The following KCNH5 variants were observed in gnomAD, a reference collection of about 807,000 sequenced individuals.
KCNH5 encodes potassium voltage-gated channel subfamily H member 5.
KCNH5 carries 46 observed loss-of-function variants against 96.1 expected under a neutral mutation model. The observed-to-expected ratio is 0.48, with a 90% CI of 0.38 to 0.61. KCNH5 has a LOEUF of 0.61. Among genes scored for constraint, KCNH5 ranks in the 20% least tolerant of loss-of-function variants. The probability of loss-of-function intolerance (pLI) is 0.00; values close to 1 mark genes in which losing one functional copy is unlikely to be tolerated. For missense variants in KCNH5, 907 were observed against 1,225.8 expected, an observed-to-expected ratio of 0.74 and a Z score of 3.88; for synonymous variants, 439 against 449.8, an observed-to-expected ratio of 0.98 and a Z score of 0.30.
At chr14:62,991,994 C>A (rs778297895) in intron 4 of KCNH5, among the ~76,000 whole-genome samples, 10 of 151,980 alleles carry the variant, frequency 6.6e-5, no homozygotes, top group Non-Finnish European at 1.0e-4. Context: ...TTCACCCTCC[C>A]AAGTCTCCAA....
At chr14:62,773,204 AC>A (rs1449974664) in intron 10 of KCNH5, among the ~76,000 whole-genome samples, 2 of 152,214 alleles carry the variant, frequency 1.3e-5, no homozygotes, top group Non-Finnish European at 2.9e-5. Context: ...AGCTAAGTGA[AC>A]TTAGGCAATC....
At chr14:62,767,596 T>A (rs1185486159) in intron 10 of KCNH5, among the ~76,000 whole-genome samples, 1 of 152,144 alleles carries the variant, frequency 6.6e-6, no homozygotes, top group African/African-American at 2.4e-5. Context: ...ACTGTATGTT[T>A]TCACTTATAA....
Position 62,853,453 on chromosome 14 carries a change from A to AATCATATATATATATATATATAT in KCNH5, c.1370-3624_1370-3602dup, listed in dbSNP as rs1595655715. On this transcript the variant is annotated intron_variant, in intron 7 of 10. Coordinates refer to ENST00000322893, the MANE Select transcript of KCNH5 (RefSeq NM_139318.5). ...AAATCATTTCCCAAACAAAAAGAAT[A>AATCATATATATATATATATATAT]ATCATATATATATATATATATATAT... is the stretch of plus-strand genomic sequence containing the variant. Among the ~76,000 whole-genome samples, 49 of 30,360 alleles carry AATCATATATATATATATATATAT rather than the reference A, an allele frequency of 1.6e-3. 1 individual carries two copies. The South Asian group carries it at 0.031, about 19-fold the overall frequency. 19.9% of individuals were successfully genotyped at this position (30,360 alleles called of 152,430 possible).
intron 8 of KCNH5, among the ~76,000 whole-genome samples, chr14:62,840,557 C>CTTTTTTTTTTTTT (rs1165731381): frequency 9.2e-6 from 1 of 108,738 alleles, no homozygotes; most frequent in Admixed American, 1.1e-4. Flanking sequence ...TTTCTTTTTT[C>CTTTTTTTTTTTTT]TTTTTTTTCT....
intron 7 of KCNH5, among the ~76,000 whole-genome samples, chr14:62,932,869 C>T (rs1421933647): frequency 6.6e-6 from 1 of 152,144 alleles, no homozygotes; most frequent in Admixed American, 6.6e-5. Flanking sequence ...ACCTTTAAAT[C>T]TCTACCCAGA....
chr14:62,713,173 T>G (rs777303150), intron 10 of KCNH5, among the ~76,000 whole-genome samples: 1 of 152,222 alleles, frequency 6.6e-6, no homozygotes, highest in African/African-American at 2.4e-5. Flanking sequence ...ATTCAGCAAA[T>G]GTATGACGTG....
chr14:62,811,877 A>G (rs1886879725), intron 8 of KCNH5, among the ~76,000 whole-genome samples: 1 of 152,160 alleles, frequency 6.6e-6, no homozygotes, highest in Non-Finnish European at 1.5e-5. Flanking sequence ...GTTACGTGTT[A>G]GTTATGTGCC....
chr14:62,930,121 T>C (rs1889552958), intron 7 of KCNH5, among the ~76,000 whole-genome samples: 1 of 152,180 alleles, frequency 6.6e-6, no homozygotes, highest in Non-Finnish European at 1.5e-5. Flanking sequence ...TTTGTTATAA[T>C]GATCTCTTTT....
chr14:62,858,686 G>A (rs962458151), intron 7 of KCNH5, among the ~76,000 whole-genome samples: 2 of 152,226 alleles, frequency 1.3e-5, no homozygotes, highest in South Asian at 2.1e-4. Flanking sequence ...AATTTTGCTA[G>A]TGGATCCCTA....
At chr14:62,990,438 C>G (rs748230477) in intron 4 of KCNH5, among the ~76,000 whole-genome samples, 1 of 151,946 alleles carries the variant, frequency 6.6e-6, no homozygotes, top group Non-Finnish European at 1.5e-5. Context: ...AATATTTCAT[C>G]TCTTTTCTTT....
At chr14:62,729,098 A>T (rs1241588760) in intron 10 of KCNH5, among the ~76,000 whole-genome samples, 1 of 152,176 alleles carries the variant, frequency 6.6e-6, no homozygotes, top group Non-Finnish European at 1.5e-5. Flanking sequence ...AAGGCTATGT[A>T]ACCCCCACAC....
intron 2 of KCNH5, among the ~76,000 whole-genome samples, chr14:63,008,201 G>T (rs1024076360): frequency 6.6e-6 from 1 of 152,044 alleles, no homozygotes; most frequent in African/African-American, 2.4e-5. Flanking sequence ...CCAAAGTGTG[G>T]TGGAGGCTGA....
chr14:62,865,281 T>C (rs925417078), intron 7 of KCNH5, among the ~76,000 whole-genome samples: 35 of 152,108 alleles, frequency 2.3e-4, no homozygotes, highest in African/African-American at 8.4e-4. Context: ...AAGCAGAATT[T>C]TTTTAATTGA....
At position 62,950,506 on chromosome 14, in the gene KCNH5, G is replaced by A; in HGVS notation, c.996C>T (p.Gly332=). The A allele has an allele frequency of 6.2e-7, 1 of 1,607,974 alleles. No individual in the cohort carries two copies. The highest frequency in any genetic ancestry group is 8.5e-7 in the Non-Finnish European group (1 of 1,179,742). The change falls in exon 7 of 11, where the codon GGC becomes GGT. Residue 332 remains glycine, a synonymous_variant. Transcript: ENST00000322893. ...SLKVVRLLRL[G]RVARKLDHYL... ...AATGGTCCAGTTTCCTAGCCACACG[G>A]CCCAGTCGTAAGAGACGCACCACTT...
At chr14:62,759,954 G>A (rs1595610174) in intron 10 of KCNH5, among the ~76,000 whole-genome samples, 1 of 152,086 alleles carries the variant, frequency 6.6e-6, no homozygotes, top group South Asian at 2.1e-4. Context: ...CTCCCCACCT[G>A]CATCCCCACT....
intron 8 of KCNH5, among the ~76,000 whole-genome samples, chr14:62,825,243 T>G (rs993314352): frequency 5.9e-5 from 9 of 152,260 alleles, no homozygotes; most frequent in African/African-American, 1.9e-4. Context: ...GAAATCTTAC[T>G]GTGCATATAT....
At chr14:62,944,983 T>G (rs958274272) in intron 7 of KCNH5, among the ~76,000 whole-genome samples, 1 of 152,096 alleles carries the variant, frequency 6.6e-6, no homozygotes, top group Non-Finnish European at 1.5e-5. Context: ...ACTTTAAAAC[T>G]AGGTTTTTAT....
chr14:63,039,718 G>A lies in KCNH5; in HGVS notation c.73+5396C>T, dbSNP rs189132107. Reference sequence around the variant, plus strand: ...AACAATTTTTATCAGTATCACTTTCGTGTAGTTATAAAATGTTGATCACTG... The same window carrying A: ...AACAATTTTTATCAGTATCACTTTCATGTAGTTATAAAATGTTGATCACTG... On this transcript the variant is annotated intron_variant, in intron 1 of 10. Transcript: ENST00000322893. Among the ~76,000 whole-genome samples, 61 of 151,978 alleles carry A rather than the reference G, an allele frequency of 4.0e-4. 1 individual carries two copies. Among genetic ancestry groups the A allele is most frequent in the South Asian group, 1.5e-3 (7 of 4,806 alleles).
chr14:62,782,099 G>C (rs1459428040), intron 9 of KCNH5, among the ~76,000 whole-genome samples: 1 of 152,186 alleles, frequency 6.6e-6, no homozygotes, highest in Non-Finnish European at 1.5e-5. Flanking sequence ...TCCCGCAACA[G>C]ACCTTGTCTC....
Sources: allele counts gnomAD v4.1 joint callset (sites outside exome capture counted in the v4.1 genomes callset), GRCh38; gene constraint gnomAD v4.1.1; transcripts MANE v1.5; gene names NCBI Gene and HGNC (gene_info 2026-07-23, HGNC 2026-07-21).